LAMA2: variants seen among roughly 807,000 people sequenced by gnomAD.
The protein encoded by LAMA2 is laminin subunit alpha-2.
LAMA2 carries 269 observed loss-of-function variants against 364.8 expected under a neutral mutation model. The ratio of observed to expected loss-of-function variants is 0.74; its 90% confidence interval spans 0.67 to 0.82. LAMA2 has a LOEUF of 0.82. LAMA2 is among the 40% of genes least tolerant of loss of function. LAMA2 has a pLI of 0.00. For missense variants in LAMA2, 3,807 were observed against 3,873.2 expected (o/e 0.98, Z 0.45); for synonymous variants, 1,379 against 1,370.6 (o/e 1.01, Z -0.14).
At position 129,177,785 on chromosome 6, in the gene LAMA2, C is replaced by G; in HGVS notation, c.1386C>G (p.Gly462=). The change falls in exon 10 of 65, where the codon GGC becomes GGG. Residue 462 remains glycine (G), a synonymous_variant. Transcript: ENST00000421865. ...SCDRCARGYT[G]YPDCKACNCS... Reference sequence around the variant, plus strand: ...ATCGGTGTGCCAGGGGCTACACTGGCTACCCGGACTGCAAAGCCTGTAACT... The same window carrying G: ...ATCGGTGTGCCAGGGGCTACACTGGGTACCCGGACTGCAAAGCCTGTAACT... 4.3e-6 allele frequency: 7 copies of G among 1,613,992 alleles called. No homozygotes were observed. Among genetic ancestry groups the G allele is most frequent in the Non-Finnish European group, 5.9e-6 (7 of 1,179,944 alleles).
At chr6:129,430,023 A>G (rs953614702) in intron 41 of LAMA2, among the ~76,000 whole-genome samples, 6 of 152,194 alleles carry the variant, frequency 3.9e-5, no homozygotes, top group African/African-American at 1.4e-4. Flanking sequence ...GAAAACCCAC[A>G]AACTACTCAA....
chr6:128,976,272 G>T (rs546425345), intron 1 of LAMA2, among the ~76,000 whole-genome samples: 83 of 152,290 alleles, frequency 5.5e-4, no homozygotes, highest in African/African-American at 1.8e-3. Flanking sequence ...GATACATCTG[G>T]AGAGGAAACA....
chr6:129,051,023 GA>G (rs201205701), intron 2 of LAMA2, among the ~76,000 whole-genome samples: 2,703 of 152,084 alleles, frequency 0.018, 84 homozygotes, highest in African/African-American at 0.062. Context: ...AGAGGCAAAA[GA>G]AAAGTAAATT....
chr6:129,399,862 A>G (rs1165424889), intron 37 of LAMA2, among the ~76,000 whole-genome samples: 1 of 152,178 alleles, frequency 6.6e-6, no homozygotes, highest in East Asian at 1.9e-4. Context: ...TCTATAATAG[A>G]AGAGATAGTA....
intron 35 of LAMA2, among the ~76,000 whole-genome samples, chr6:129,385,580 T>C (rs1016213058): frequency 6.6e-6 from 1 of 152,196 alleles, no homozygotes; most frequent in African/African-American, 2.4e-5. Flanking sequence ...CTATCTTTCA[T>C]TATGAGTCAT....
rs192332918 is a variant in LAMA2, at chr6:129,381,458, T to C, written c.4960-1664T>C. Among the ~76,000 whole-genome samples, 50 of 152,156 alleles carry C rather than the reference T, an allele frequency of 3.3e-4. 1 individual carries two copies. The highest frequency in any genetic ancestry group is 3.0e-3 in the Admixed American group (46 of 15,262). On this transcript the variant is annotated intron_variant, in intron 34 of 64. Transcript: ENST00000421865. ...CTTAGTTAGTGATTCAGAAGTAACATTTAAATAATTGGGTATGAGTATGTG... is the reference window on the plus strand; with the variant it reads ...CTTAGTTAGTGATTCAGAAGTAACACTTAAATAATTGGGTATGAGTATGTG...
intron 12 of LAMA2, among the ~76,000 whole-genome samples, chr6:129,228,582 A>G (rs1035546059): frequency 2.0e-5 from 3 of 152,220 alleles, no homozygotes; most frequent in African/African-American, 7.2e-5. Context: ...TTACTTATTT[A>G]CATTTTAATA....
chr6:129,051,244 T>G (rs2114776817), intron 2 of LAMA2, among the ~76,000 whole-genome samples: 1 of 148,208 alleles, frequency 6.7e-6, no homozygotes, highest in African/African-American at 2.4e-5. Flanking sequence ...ATATGTAATC[T>G]ACATAAAGGT....
intron 1 of LAMA2, among the ~76,000 whole-genome samples, chr6:128,936,728 C>T (rs901782205): frequency 6.6e-6 from 1 of 152,088 alleles, no homozygotes; most frequent in Non-Finnish European, 1.5e-5. Context: ...TCATCTTTCT[C>T]CTTGTGATGA....
At chr6:129,328,756 GA>G (rs1158699657) in intron 29 of LAMA2, among the ~76,000 whole-genome samples, 2 of 152,008 alleles carry the variant, frequency 1.3e-5, no homozygotes, top group Non-Finnish European at 2.9e-5. Context: ...GAATTAAGAA[GA>G]AAAAATTCAC....
chr6:129,353,408 G>A, intron 32 of LAMA2, 51 bp downstream of exon 32: 5 of 1,449,544 alleles, frequency 3.4e-6, no homozygotes, highest in Non-Finnish European at 4.8e-6. Flanking sequence ...TTCCAGTTCT[G>A]TCTCATTTCC....
chr6:129,481,485 TA>T (rs1562604024), intron 55 of LAMA2, 46 bp downstream of exon 55: 1 of 1,450,278 alleles, frequency 6.9e-7, no homozygotes, highest in Non-Finnish European at 9.7e-7. Flanking sequence ...AATGCTTATA[TA>T]AAGCAGTTAA....
rs1359290191 is a variant in LAMA2, at chr6:129,297,582, TC to T, written c.2857-101del. On this transcript the variant is annotated intron_variant, in intron 20 of 64. Transcript: ENST00000421865. ...AACATCAGTGAGGAATCCTGATAACTCCTAAGTTCCTCTGTTCCCACCTGAT... is the reference window on the plus strand; with the variant it reads ...AACATCAGTGAGGAATCCTGATAACTCTAAGTTCCTCTGTTCCCACCTGAT... The T allele has an allele frequency of 7.6e-6, 8 of 1,059,300 alleles. 1 individual carries two copies. In the Admixed American group the frequency reaches 1.5e-4, roughly 20 times the overall value. 65.6% of individuals were successfully genotyped at this position (1,059,300 alleles called of 1,614,324 possible). A position where few individuals can be genotyped will look rare whatever the true frequency, so the allele number is the denominator to read the frequency against.
chr6:129,117,080 C>G (rs1242446835), intron 4 of LAMA2, among the ~76,000 whole-genome samples: 1 of 152,044 alleles, frequency 6.6e-6, no homozygotes, highest in African/African-American at 2.4e-5. Context: ...TAATTTAATG[C>G]AGAATTTTCA....
At chr6:128,997,679 C>T (rs868705987) in intron 1 of LAMA2, among the ~76,000 whole-genome samples, 2 of 152,242 alleles carry the variant, frequency 1.3e-5, no homozygotes, top group Middle Eastern at 3.4e-3. Context: ...CCTATACTCC[C>T]AGCTACTCGG....
chr6:129,018,705 C>T (rs1785233039), intron 1 of LAMA2, among the ~76,000 whole-genome samples: 1 of 151,912 alleles, frequency 6.6e-6, no homozygotes, highest in Non-Finnish European at 1.5e-5. Flanking sequence ...AATTGACATT[C>T]CTTTTTTAGA....
In LAMA2 at chr6:128,971,054, GA is replaced by G. The variant is rs201269292; in HGVS notation, c.113-78861del. ...CCATGCCAGTCTCTCACTTGATTTA[GA>G]AAGATTTGTGCGTCCTTAGCTTTGA... On this transcript the variant is annotated intron_variant, in intron 1 of 64. Transcript: ENST00000421865. 5.2e-4 allele frequency among the ~76,000 whole-genome samples: 79 copies of G among 152,306 alleles called. 1 individual carries two copies. In the East Asian group the frequency reaches 0.015, roughly 29 times the overall value.
intron 22 of LAMA2, among the ~76,000 whole-genome samples, 154 bp downstream of exon 22, chr6:129,301,026 A>G (rs1426889633): frequency 6.6e-6 from 1 of 152,208 alleles, no homozygotes; most frequent in Non-Finnish European, 1.5e-5. Flanking sequence ...AATATCTTAC[A>G]GTTTACTTGT....
At chr6:129,154,360 C>T (rs953658849) in intron 7 of LAMA2, 145 bp from the exon 8 acceptor site, 68 of 660,894 alleles carry the variant, frequency 1.0e-4, no homozygotes, top group Non-Finnish European at 1.6e-4. Flanking sequence ...TGCAGTGAGC[C>T]GAGATCGTGC....
Sources: gnomAD v4.1 joint callset for allele counts (sites outside exome capture counted in the v4.1 genomes callset) on GRCh38, gnomAD v4.1.1 for gene constraint, MANE v1.5 for transcripts, NCBI Gene and HGNC (gene_info 2026-07-23, HGNC 2026-07-21) for gene names.